Variants in CSMD1 observed in about 807,000 individuals in gnomAD.
CSMD1 encodes the protein CUB and Sushi multiple domains 1, also known as CUB and sushi domain-containing protein 1.
In CSMD1, 213 loss-of-function variants were observed where a neutral mutation model predicts 417.5. That is an observed-to-expected ratio of 0.51 (90% CI 0.46 to 0.57). CSMD1 has a LOEUF of 0.57. Among genes scored for constraint, CSMD1 ranks in the 20% least tolerant of loss-of-function variants. The pLI is 0.00. For synonymous variants in CSMD1, 2,862 were observed against 1,736.8 expected, an observed-to-expected ratio of 1.65 and a Z score of -16.11; for missense variants, 6,923 against 4,529.7, an observed-to-expected ratio of 1.53 and a Z score of -15.17.
Position 4,223,419 on chromosome 8 carries a change from G to A in CSMD1, c.416-191320C>T, listed in dbSNP as rs114670780. 8.1e-3 allele frequency among the ~76,000 whole-genome samples: 1,228 copies of A among 152,330 alleles called. 10 individuals carry two copies. Among genetic ancestry groups the A allele is most frequent in the African/African-American group, 0.027 (1,132 of 41,578 alleles). On this transcript the variant is annotated intron_variant, in intron 3 of 69. Coordinates refer to ENST00000635120, the MANE Select transcript of CSMD1 (RefSeq NM_033225.6). ...AAGGTAAGCAGGAAAGGGCGTCATC[G>A]CCAGGGATACGTGACGAATAGGCTG...
At chr8:3,191,809 T>A (rs1022990453) in intron 33 of CSMD1, among the ~76,000 whole-genome samples, 5 of 152,212 alleles carry the variant, frequency 3.3e-5, no homozygotes, top group Admixed American at 6.5e-5. Flanking sequence ...AATTTGCTTA[T>A]TTTGTTTTTG....
At chr8:3,231,400 T>C (rs894395418) in intron 26 of CSMD1, among the ~76,000 whole-genome samples, 1 of 152,222 alleles carries the variant, frequency 6.6e-6, no homozygotes, top group Non-Finnish European at 1.5e-5. Flanking sequence ...TATTGTTCTA[T>C]ATACATACCA....
intron 6 of CSMD1, among the ~76,000 whole-genome samples, chr8:3,732,199 G>C (rs548063412): frequency 1.3e-5 from 2 of 152,182 alleles, no homozygotes; most frequent in East Asian, 1.9e-4. Context: ...GAGTCTTTCC[G>C]AGAGGACTCT....
In CSMD1 at chr8:3,277,400, G is replaced by A. The variant is rs546722466; in HGVS notation, c.4153+6744C>T. On this transcript the variant is annotated intron_variant, in intron 26 of 69. Coordinates refer to ENST00000635120, the MANE Select transcript of CSMD1 (RefSeq NM_033225.6). ...ATGAAGAAGGAAGCCCGTGAGCAAG[G>A]CAGGGCAGCTCAGACCCCCAGCGGC... Among the ~76,000 whole-genome samples the A allele has an allele frequency of 1.7e-3, 261 of 152,268 alleles. 1 individual carries two copies. The highest frequency in any genetic ancestry group is 5.8e-3 in the African/African-American group (243 of 41,558).
intron 3 of CSMD1, among the ~76,000 whole-genome samples, chr8:4,033,907 T>C (rs543228797): frequency 1.2e-4 from 18 of 152,322 alleles, no homozygotes; most frequent in African/African-American, 4.3e-4. Context: ...TTGGCTATTG[T>C]ATCCATATCT....
chr8:2,993,445 G>A (rs1263066380), intron 54 of CSMD1, among the ~76,000 whole-genome samples: 1 of 152,184 alleles, frequency 6.6e-6, no homozygotes, highest in African/African-American at 2.4e-5. Flanking sequence ...TATTACAAAA[G>A]AGGAGTGTCA....
chr8:4,154,162 A>G (rs1796709658), intron 3 of CSMD1, among the ~76,000 whole-genome samples: 1 of 152,212 alleles, frequency 6.6e-6, no homozygotes, highest in Non-Finnish European at 1.5e-5. Context: ...TTTTACACCT[A>G]TGATAGGAGA....
At chr8:4,337,262 G>C (rs2128893607) in intron 3 of CSMD1, among the ~76,000 whole-genome samples, 1 of 152,148 alleles carries the variant, frequency 6.6e-6, no homozygotes, top group African/African-American at 2.4e-5. Context: ...ATAGCATCAT[G>C]GCAACTAAAT....
At chr8:4,162,336 A>C (rs1433095536) in intron 3 of CSMD1, among the ~76,000 whole-genome samples, 4 of 152,204 alleles carry the variant, frequency 2.6e-5, no homozygotes, top group Non-Finnish European at 5.9e-5. Context: ...ACTACAAAAG[A>C]AAAGTGCTTG....
At chr8:3,454,248 G>T (rs1336818626) in intron 12 of CSMD1, among the ~76,000 whole-genome samples, 1 of 152,056 alleles carries the variant, frequency 6.6e-6, no homozygotes, top group East Asian at 1.9e-4. Flanking sequence ...CACACTGATG[G>T]GTCTTGACTC....
chr8:3,671,548 CATATATATGATCAT>C lies in CSMD1; in HGVS notation c.1009+36852_1009+36865del, dbSNP rs1799055723. On this transcript the variant is annotated intron_variant, in intron 7 of 69. Transcript: ENST00000635120. ...ATGATCATATATATATATATATGAT[CATATATATGATCAT>C]ATATATATATATATATATATATATA... Among the ~76,000 whole-genome samples, 20 of 2,908 alleles carry C rather than the reference CATATATATGATCAT, an allele frequency of 6.9e-3. 3 individuals are homozygous for C. The highest frequency in any genetic ancestry group is 0.018 in the South Asian group (2 of 112). 1.9% of individuals were successfully genotyped at this position (2,908 alleles called of 152,430 possible). A position where few individuals can be genotyped will look rare whatever the true frequency, so the allele number is the denominator to read the frequency against.
intron 5 of CSMD1, among the ~76,000 whole-genome samples, chr8:3,791,198 C>A (rs930279735): frequency 6.6e-6 from 1 of 152,056 alleles, no homozygotes; most frequent in African/African-American, 2.4e-5. Context: ...TTTGTAAACC[C>A]CTACCCCAAA....
chr8:4,466,319 GAAGA>G (rs1554488826), intron 2 of CSMD1, among the ~76,000 whole-genome samples: 4 of 152,046 alleles, frequency 2.6e-5, no homozygotes, highest in Non-Finnish European at 5.9e-5. Flanking sequence ...ACAGAAGAGG[GAAGA>G]AAGAAAGGGA....
rs191518461 is a variant in CSMD1 at position 4,705,560 on chromosome 8, C to G, written c.86-68002G>C. Among the ~76,000 whole-genome samples the G allele has an allele frequency of 3.3e-5, 5 of 152,276 alleles. No homozygotes were observed. The East Asian group carries it at 9.6e-4, about 29-fold the overall frequency. On this transcript the variant is annotated intron_variant, in intron 1 of 69. Coordinates refer to ENST00000635120, the MANE Select transcript of CSMD1 (RefSeq NM_033225.6). ...CCCTAGATTCTACTACGGCATATTTCTTTTTTGACTGAAAGGCAGGAGTAC... is the reference window on the plus strand; with the variant it reads ...CCCTAGATTCTACTACGGCATATTTGTTTTTTGACTGAAAGGCAGGAGTAC...
chr8:3,174,107 C>G (rs1020283073), intron 37 of CSMD1, among the ~76,000 whole-genome samples: 1 of 152,200 alleles, frequency 6.6e-6, no homozygotes, highest in Admixed American at 6.5e-5. Context: ...CGTGACTTCA[C>G]AGTAATATTC....
chr8:4,338,447 A>T (rs1220856373), intron 3 of CSMD1, among the ~76,000 whole-genome samples: 3 of 152,118 alleles, frequency 2.0e-5, no homozygotes, highest in Non-Finnish European at 4.4e-5. Flanking sequence ...CAAACAAGAA[A>T]CCTGGACGTT....
At chr8:2,971,104 C>T (rs1380815519) in intron 57 of CSMD1, among the ~76,000 whole-genome samples, 1 of 152,204 alleles carries the variant, frequency 6.6e-6, no homozygotes, top group African/African-American at 2.4e-5. Flanking sequence ...CATTCTCTTA[C>T]ATAACCATAA....
intron 41 of CSMD1, among the ~76,000 whole-genome samples, chr8:3,132,282 C>CT (rs879759702): frequency 8.7e-4 from 127 of 145,632 alleles, no homozygotes; most frequent in East Asian, 5.8e-3. Context: ...ACCCATGTAT[C>CT]TTTTTTTTTT....
intron 7 of CSMD1, among the ~76,000 whole-genome samples, chr8:3,686,865 C>G (rs1332292564): frequency 6.6e-6 from 1 of 152,156 alleles, no homozygotes; most frequent in Non-Finnish European, 1.5e-5. Flanking sequence ...TGCTTTTCTC[C>G]TGTTAATCTT....
Sources: gnomAD v4.1 joint callset for allele counts (sites outside exome capture counted in the v4.1 genomes callset) on GRCh38, gnomAD v4.1.1 for gene constraint, MANE v1.5 for transcripts, NCBI Gene and HGNC (gene_info 2026-07-23, HGNC 2026-07-21) for gene names.